The following ARHGAP24 variants were observed in gnomAD, a reference collection of about 807,000 sequenced individuals.
The protein encoded by ARHGAP24 is Rho GTPase activating protein 24.
ARHGAP24 carries 50 observed loss-of-function variants against 76.4 expected under a neutral mutation model. The observed-to-expected ratio is 0.65, with a 90% confidence interval of 0.52 to 0.83. ARHGAP24 has a LOEUF of 0.83. Among genes scored for constraint, ARHGAP24 ranks in the 40% least tolerant of loss-of-function variants. ARHGAP24 has a pLI of 0.00. For synonymous variants in ARHGAP24, 345 were observed against 323.3 expected (o/e 1.07, Z -0.72); for missense variants, 930 against 914.2 (o/e 1.02, Z -0.22).
At chr4:85,940,209 A>G (rs1186629226) in intron 4 of ARHGAP24, among the ~76,000 whole-genome samples, 1 of 152,102 alleles carries the variant, frequency 6.6e-6, no homozygotes. Flanking sequence ...TTAAACACAC[A>G]TCAGCTTGTT....
chr4:85,750,686 G>A (rs1726227801), intron 3 of ARHGAP24, among the ~76,000 whole-genome samples: 3 of 151,626 alleles, frequency 2.0e-5, no homozygotes, highest in Non-Finnish European at 4.4e-5. Flanking sequence ...TGTAGAGACG[G>A]CATTTCACCA....
chr4:85,701,965 G>C (rs549651191), intron 2 of ARHGAP24, among the ~76,000 whole-genome samples: 6 of 152,036 alleles, frequency 3.9e-5, no homozygotes, highest in Non-Finnish European at 8.8e-5. Flanking sequence ...AAAATAACCA[G>C]AGATTTGGAC....
chr4:85,630,610 T>C (rs1447562451), intron 2 of ARHGAP24, among the ~76,000 whole-genome samples: 1 of 152,170 alleles, frequency 6.6e-6, no homozygotes, highest in African/African-American at 2.4e-5. Context: ...AGCCTAGGTC[T>C]GCAGAGGGAT....
intron 3 of ARHGAP24, among the ~76,000 whole-genome samples, chr4:85,916,982 T>C (rs1560716060): frequency 1.3e-5 from 2 of 152,164 alleles, no homozygotes; most frequent in East Asian, 3.8e-4. Flanking sequence ...TACATATGTA[T>C]ACATGTGCCA....
intron 2 of ARHGAP24, among the ~76,000 whole-genome samples, chr4:85,660,265 A>G (rs1460521472): frequency 2.6e-5 from 4 of 152,328 alleles, no homozygotes; most frequent in African/African-American, 9.6e-5. Context: ...TAATGATTGA[A>G]TTAATTCTCA....
intron 2 of ARHGAP24, among the ~76,000 whole-genome samples, chr4:85,646,668 T>C (rs1721733619): frequency 1.3e-5 from 2 of 152,112 alleles, no homozygotes; most frequent in Non-Finnish European, 2.9e-5. Flanking sequence ...TTTTTAAATA[T>C]CATGACTTTT....
intron 1 of ARHGAP24, among the ~76,000 whole-genome samples, chr4:85,562,619 C>T (rs978649322): frequency 1.1e-4 from 17 of 152,188 alleles, no homozygotes. Flanking sequence ...ATTCCACTTG[C>T]ATTCCTCCCA....
intron 3 of ARHGAP24, among the ~76,000 whole-genome samples, chr4:85,726,516 G>C (rs897210298): frequency 1.3e-5 from 2 of 152,144 alleles, no homozygotes; most frequent in African/African-American, 4.8e-5. Flanking sequence ...GCTTCAAACT[G>C]AGGGGCTGGG....
intron 8 of ARHGAP24, among the ~76,000 whole-genome samples, chr4:85,988,721 G>A (rs79226634): frequency 0.031 from 4,744 of 151,540 alleles, 276 homozygotes; most frequent in African/African-American, 0.11. Context: ...ATCAGTAATT[G>A]CATTAAATCT....
intron 8 of ARHGAP24, among the ~76,000 whole-genome samples, chr4:85,987,810 A>G (rs1490281704): frequency 6.6e-6 from 1 of 151,976 alleles, no homozygotes; most frequent in Non-Finnish European, 1.5e-5. Flanking sequence ...AGAATTGATG[A>G]AAATTACAAA....
intron 3 of ARHGAP24, among the ~76,000 whole-genome samples, chr4:85,754,353 G>A (rs1048038139): frequency 6.6e-6 from 1 of 152,128 alleles, no homozygotes; most frequent in Non-Finnish European, 1.5e-5. Context: ...AGTTGATTCC[G>A]TATCTTGGTT....
chr4:85,664,142 G>T (rs866146330), intron 2 of ARHGAP24, among the ~76,000 whole-genome samples: 1 of 151,310 alleles, frequency 6.6e-6, no homozygotes, highest in Non-Finnish European at 1.5e-5. Context: ...ATCTGGTCCT[G>T]GACTCTTTTT....
At chr4:85,779,881 T>C (rs959072461) in intron 3 of ARHGAP24, among the ~76,000 whole-genome samples, 2 of 152,206 alleles carry the variant, frequency 1.3e-5, no homozygotes, top group East Asian at 3.9e-4. Flanking sequence ...GGTTTCAATA[T>C]ATGTGAATTT....
At chr4:85,498,915 T>C (rs1723686151) in intron 1 of ARHGAP24, among the ~76,000 whole-genome samples, 1 of 152,218 alleles carries the variant, frequency 6.6e-6, no homozygotes, top group South Asian at 2.1e-4. Context: ...TTTTCAAATA[T>C]TGTCATACAT....
chr4:85,746,485 G>T (rs943604467), intron 3 of ARHGAP24, among the ~76,000 whole-genome samples: 1 of 152,068 alleles, frequency 6.6e-6, no homozygotes, highest in Admixed American at 6.5e-5. Context: ...TGTGTTTGTT[G>T]TATTTCCTTT....
chr4:85,918,997 A>C (rs1735571706), intron 3 of ARHGAP24, among the ~76,000 whole-genome samples: 1 of 152,196 alleles, frequency 6.6e-6, no homozygotes, highest in African/African-American at 2.4e-5. Flanking sequence ...ATTTATGTCC[A>C]TGCAGAAATG....
intron 2 of ARHGAP24, among the ~76,000 whole-genome samples, chr4:85,619,460 T>C (rs1383984870): frequency 6.6e-6 from 1 of 151,984 alleles, no homozygotes; most frequent in Non-Finnish European, 1.5e-5. Context: ...TCTTCTATTA[T>C]TCCTTATAAA....
chr4:85,701,189 G>T (rs1337514577), intron 2 of ARHGAP24, among the ~76,000 whole-genome samples: 2 of 152,092 alleles, frequency 1.3e-5, no homozygotes, highest in African/African-American at 4.8e-5. Flanking sequence ...ATTTCTTCTT[G>T]CGTATGGCCA....
At chr4:85,637,707 A>G (rs1364713208) in intron 2 of ARHGAP24, among the ~76,000 whole-genome samples, 1 of 152,090 alleles carries the variant, frequency 6.6e-6, no homozygotes, top group Non-Finnish European at 1.5e-5. Flanking sequence ...TTTTGAATCT[A>G]TTAGATTAAA....
Sources: gnomAD v4.1 joint callset for allele counts (sites outside exome capture counted in the v4.1 genomes callset) on GRCh38, gnomAD v4.1.1 for gene constraint, MANE v1.5 for transcripts, NCBI Gene and HGNC (gene_info 2026-07-23, HGNC 2026-07-21) for gene names.